Variants in NTM observed in about 807,000 individuals in gnomAD.
The protein encoded by NTM is IgLON family member 2.
Under a neutral mutation model 42.1 loss-of-function variants are expected in NTM, and 13 were observed. The ratio of observed to expected loss-of-function variants is 0.31; its 90% confidence interval spans 0.20 to 0.49. The LOEUF (loss-of-function observed/expected upper bound fraction) is 0.49. Among genes scored for constraint, NTM ranks in the 20% least tolerant of loss-of-function variants. NTM has a pLI of 0.99. For synonymous variants in NTM, 187 were observed against 179.2 expected (o/e 1.04, Z -0.35); for missense variants, 373 against 452.8 (o/e 0.82, Z 1.60).
chr11:132,004,634 T>TCACACACACACA (rs1555214611), intron 2 of NTM, among the ~76,000 whole-genome samples: 1 of 104,534 alleles, frequency 9.6e-6, no homozygotes, highest in African/African-American at 3.1e-5. Context: ...TCTCTCTCTC[T>TCACACACACACA]CACACACACA....
chr11:131,485,054 C>A (rs928341079), intron 1 of NTM, among the ~76,000 whole-genome samples: 3 of 152,174 alleles, frequency 2.0e-5, no homozygotes, highest in Non-Finnish European at 2.9e-5. Flanking sequence ...ATCTTTAAAG[C>A]AATTAGCATA....
chr11:131,706,916 G>A (rs1205179708), intron 1 of NTM, among the ~76,000 whole-genome samples: 2 of 151,878 alleles, frequency 1.3e-5, no homozygotes, highest in Non-Finnish European at 2.9e-5. Context: ...TGTGATATAT[G>A]TACACATTGT....
At chr11:131,557,979 A>G (rs187232446) in intron 1 of NTM, among the ~76,000 whole-genome samples, 7 of 152,292 alleles carry the variant, frequency 4.6e-5, no homozygotes, top group Middle Eastern at 3.4e-3. Context: ...GTTACCTACC[A>G]ATGAAATGTT....
intron 1 of NTM, among the ~76,000 whole-genome samples, chr11:131,440,939 C>G (rs541282207): frequency 6.7e-6 from 1 of 148,834 alleles, no homozygotes; most frequent in Non-Finnish European, 1.5e-5. Flanking sequence ...TTTTTGCTTT[C>G]CCTGCTTTGC....
intron 2 of NTM, among the ~76,000 whole-genome samples, chr11:132,135,754 A>G (rs1012813802): frequency 3.7e-4 from 57 of 152,198 alleles, no homozygotes; most frequent in African/African-American, 1.4e-3. Flanking sequence ...AAATGATGGA[A>G]GGGGCCGAGG....
intron 1 of NTM, among the ~76,000 whole-genome samples, chr11:131,440,741 C>T (rs564147052): frequency 2.2e-4 from 31 of 140,780 alleles, no homozygotes; most frequent in East Asian, 2.0e-3. Flanking sequence ...AGATGAGTGA[C>T]GGAATGTAAC....
intron 1 of NTM, among the ~76,000 whole-genome samples, chr11:131,645,186 G>A (rs2065622566): frequency 1.3e-5 from 2 of 152,192 alleles, no homozygotes; most frequent in South Asian, 4.1e-4. Flanking sequence ...TTGAGGCATA[G>A]AGAAGTAAAG....
chr11:131,761,362 GT>G (rs1392287437), intron 1 of NTM, among the ~76,000 whole-genome samples: 1 of 152,140 alleles, frequency 6.6e-6, no homozygotes, highest in Non-Finnish European at 1.5e-5. Flanking sequence ...CAGATGGAAT[GT>G]TTTATATCCC....
At chr11:131,787,820 G>A (rs535131441) in intron 1 of NTM, among the ~76,000 whole-genome samples, 1 of 152,296 alleles carries the variant, frequency 6.6e-6, no homozygotes, top group African/African-American at 2.4e-5. Flanking sequence ...AAAAATGACA[G>A]GTGCTTAAGT....
At chr11:132,019,677 T>TTC (rs2074024508) in intron 2 of NTM, among the ~76,000 whole-genome samples, 1 of 152,074 alleles carries the variant, frequency 6.6e-6, no homozygotes, top group Non-Finnish European at 1.5e-5. Context: ...TTGCATGGTA[T>TTC]ATATATTCAT....
At chr11:131,398,733 C>T (rs1459381885) in intron 1 of NTM, among the ~76,000 whole-genome samples, 4 of 152,132 alleles carry the variant, frequency 2.6e-5, no homozygotes, top group Non-Finnish European at 4.4e-5. Context: ...ACCACCAATA[C>T]TCTTACTTTA....
intron 1 of NTM, among the ~76,000 whole-genome samples, chr11:131,423,662 A>G (rs1444518961): frequency 6.6e-6 from 1 of 152,204 alleles, no homozygotes; most frequent in Non-Finnish European, 1.5e-5. Context: ...TGTTGCTGAC[A>G]GTCGTGAAAA....
chr11:131,438,959 A>G (rs1289218845), intron 1 of NTM, among the ~76,000 whole-genome samples: 1 of 151,940 alleles, frequency 6.6e-6, no homozygotes, highest in Admixed American at 6.6e-5. Flanking sequence ...TGACCTATAG[A>G]TGGGGTTTTG....
chr11:131,761,325 G>A (rs1038375592), intron 1 of NTM, among the ~76,000 whole-genome samples: 1 of 152,152 alleles, frequency 6.6e-6, no homozygotes, highest in Non-Finnish European at 1.5e-5. Context: ...CACCTAACAA[G>A]AAGCTGAAAT....
chr11:132,167,411 C>T (rs2075443126), intron 3 of NTM, among the ~76,000 whole-genome samples: 1 of 152,164 alleles, frequency 6.6e-6, no homozygotes, highest in Non-Finnish European at 1.5e-5. Context: ...AAATTCTACT[C>T]TTTGTAATCT....
intron 3 of NTM, among the ~76,000 whole-genome samples, chr11:132,157,722 C>CATAG: frequency 6.6e-6 from 1 of 152,270 alleles, no homozygotes; most frequent in East Asian, 1.9e-4. Context: ...AAATGTAAAA[C>CATAG]ATAGATCTCT....
chr11:131,375,333 T>C (rs1941816615), intron 1 of NTM, among the ~76,000 whole-genome samples: 1 of 152,242 alleles, frequency 6.6e-6, no homozygotes, highest in African/African-American at 2.4e-5. Flanking sequence ...TTACTTCCTT[T>C]CTGCTCTATT....
At chr11:132,120,999 A>G (rs1347048224) in intron 2 of NTM, among the ~76,000 whole-genome samples, 4 of 152,170 alleles carry the variant, frequency 2.6e-5, no homozygotes, top group Non-Finnish European at 4.4e-5. Flanking sequence ...AATCATTGTA[A>G]TGCCTTTTTC....
At chr11:132,024,383 A>C (rs1210233602) in intron 2 of NTM, among the ~76,000 whole-genome samples, 1 of 152,186 alleles carries the variant, frequency 6.6e-6, no homozygotes, top group African/African-American at 2.4e-5. Flanking sequence ...GCAGATGCTC[A>C]AACCCCTTAC....
Sources: allele counts gnomAD v4.1 joint callset (sites outside exome capture counted in the v4.1 genomes callset), GRCh38; gene constraint gnomAD v4.1.1; transcripts MANE v1.5; gene names NCBI Gene and HGNC (gene_info 2026-07-23, HGNC 2026-07-21).